Variants in CMIP observed in about 807,000 individuals in gnomAD.
CMIP encodes the protein C-Maf-inducing protein.
CMIP carries 13 observed loss-of-function variants against 97.3 expected under a neutral mutation model. The ratio of observed to expected loss-of-function variants is 0.13; its 90% CI spans 0.09 to 0.21. The LOEUF (loss-of-function observed/expected upper bound fraction) is 0.21, where lower values mean the gene tolerates loss of function less well. Ranked by LOEUF, CMIP falls within the 10% of genes least tolerant of loss-of-function variation. The pLI, the probability that CMIP is intolerant of heterozygous loss-of-function variation, is 1.00. For synonymous variants in CMIP, 538 were observed against 436.3 expected (o/e 1.23, Z -2.91); for missense variants, 847 against 1,024.9 (o/e 0.83, Z 2.37).
At chr16:81,470,306 C>T (rs757485486) in intron 1 of CMIP, among the ~76,000 whole-genome samples, 1 of 151,856 alleles carries the variant, frequency 6.6e-6, no homozygotes, top group Admixed American at 6.6e-5. Context: ...GCGCCCCGTC[C>T]AGGCAGCTTG....
chr16:81,477,287 G>A (rs867936397), intron 1 of CMIP, among the ~76,000 whole-genome samples: 2 of 151,958 alleles, frequency 1.3e-5, no homozygotes, highest in Non-Finnish European at 2.9e-5. Flanking sequence ...CCTGAGTAGC[G>A]GGGATTACAA....
chr16:81,457,545 C>T (rs922112733), intron 1 of CMIP, among the ~76,000 whole-genome samples: 4 of 152,254 alleles, frequency 2.6e-5, no homozygotes, highest in African/African-American at 7.2e-5. Flanking sequence ...TGCTGGCCCA[C>T]TGCTCCCCAC....
intron 1 of CMIP, among the ~76,000 whole-genome samples, chr16:81,553,545 G>A (rs1002405953): frequency 6.6e-6 from 1 of 152,212 alleles, no homozygotes; most frequent in Non-Finnish European, 1.5e-5. Flanking sequence ...TTCGAACAGG[G>A]GAGGCAACTG....
intron 2 of CMIP, among the ~76,000 whole-genome samples, chr16:81,610,893 C>T (rs796321770): frequency 1.2e-4 from 19 of 152,232 alleles, no homozygotes; most frequent in African/African-American, 4.1e-4. Flanking sequence ...TATTAGATCC[C>T]AGAGCCGTGG....
chr16:81,619,772 A>C (rs2150959637), intron 2 of CMIP: 1 of 152,364 alleles, frequency 6.6e-6, no homozygotes, highest in South Asian at 2.1e-4. Flanking sequence ...TAACTTCCAA[A>C]GTCTCAGTTT....
intron 1 of CMIP, among the ~76,000 whole-genome samples, chr16:81,553,446 C>A (rs1283118739): frequency 6.6e-6 from 1 of 152,224 alleles, no homozygotes; most frequent in Non-Finnish European, 1.5e-5. Context: ...TGCCTTCCTC[C>A]TCTCGGGCCA....
In CMIP at chr16:81,498,886, C is replaced by T. The variant is rs1309199366; in HGVS notation, c.300+53345C>T. ...ACACCTCTCCATACATACAGGTTCCCAGCTGTGCGACCACTCACCCACACG... is the reference window on the plus strand; with the variant it reads ...ACACCTCTCCATACATACAGGTTCCTAGCTGTGCGACCACTCACCCACACG... On this transcript the variant is annotated intron_variant, in intron 1 of 20. Transcript: ENST00000537098. Among the ~76,000 whole-genome samples, 5 of 152,198 alleles carry T rather than the reference C, an allele frequency of 3.3e-5. No homozygotes were observed. The East Asian group carries it at 7.7e-4, about 23-fold the overall frequency.
At chr16:81,553,904 C>T (rs1412482846) in intron 1 of CMIP, among the ~76,000 whole-genome samples, 2 of 152,210 alleles carry the variant, frequency 1.3e-5, no homozygotes, top group Admixed American at 1.3e-4. Context: ...TATTACGTGT[C>T]CACATTCTTT....
At chr16:81,600,948 T>G (rs930765902) in intron 1 of CMIP, among the ~76,000 whole-genome samples, 1 of 152,168 alleles carries the variant, frequency 6.6e-6, no homozygotes, top group Non-Finnish European at 1.5e-5. Context: ...CCAGGGTGTG[T>G]GTGCAGGTCC....
At chr16:81,544,219 A>G (rs1420945779) in intron 1 of CMIP, among the ~76,000 whole-genome samples, 1 of 152,238 alleles carries the variant, frequency 6.6e-6, no homozygotes, top group Non-Finnish European at 1.5e-5. Flanking sequence ...GACTCAAGTC[A>G]TGTGCACGCA....
chr16:81,675,863 G>A (rs567136041), intron 9 of CMIP, among the ~76,000 whole-genome samples: 10 of 152,222 alleles, frequency 6.6e-5, no homozygotes, highest in Non-Finnish European at 1.3e-4. Flanking sequence ...CAGGTCTGGG[G>A]CGGGGCCTGA....
rs1332828049 is a variant in CMIP, at chr16:81,621,473, C to G, written c.477+547C>G. ...TCTTGGAGACCCAGGGGCAGATCTT[C>G]TAAGAGGGGTCCCCCAGCCACCCGA... On this transcript the variant is annotated intron_variant, in intron 3 of 20. Transcript: ENST00000537098. The surrounding 1 kb of genome is among the most constrained non-coding windows in gnomAD (Gnocchi z 4.1). 1 of 153,638 alleles carries G rather than the reference C, an allele frequency of 6.5e-6. No homozygotes were observed. 9.5% of individuals were successfully genotyped at this position (153,638 alleles called of 1,614,324 possible).
intron 1 of CMIP, among the ~76,000 whole-genome samples, chr16:81,580,306 C>T (rs771522878): frequency 6.6e-6 from 1 of 152,196 alleles, no homozygotes; most frequent in Non-Finnish European, 1.5e-5. Flanking sequence ...CTGTTTGTGA[C>T]ATGGTGAGCT....
chr16:81,567,501 C>G (rs971730447), intron 1 of CMIP, among the ~76,000 whole-genome samples: 1 of 152,234 alleles, frequency 6.6e-6, no homozygotes, highest in African/African-American at 2.4e-5. Flanking sequence ...TGGGAATTCC[C>G]TTGCTGCACA....
chr16:81,550,006 T>C (rs756958338), intron 1 of CMIP, among the ~76,000 whole-genome samples: 1 of 152,240 alleles, frequency 6.6e-6, no homozygotes, highest in South Asian at 2.1e-4. Flanking sequence ...CGCTCACCCG[T>C]GTGCGTGGGC....
chr16:81,543,943 G>A (rs1022188783), intron 1 of CMIP, among the ~76,000 whole-genome samples: 2 of 152,252 alleles, frequency 1.3e-5, no homozygotes, highest in African/African-American at 4.8e-5. Context: ...TCGGGAAAAG[G>A]TTTATCTTAC....
chr16:81,689,477 T>C (rs1355514600), intron 10 of CMIP, among the ~76,000 whole-genome samples: 7 of 152,268 alleles, frequency 4.6e-5, no homozygotes, highest in African/African-American at 1.7e-4. Context: ...TGTCTGTTCA[T>C]ATCCTTCGCC....
At chr16:81,689,997 C>T (rs557700672) in intron 10 of CMIP, among the ~76,000 whole-genome samples, 1 of 152,292 alleles carries the variant, frequency 6.6e-6, no homozygotes, top group South Asian at 2.1e-4. Flanking sequence ...GGGCCCTGTT[C>T]TGTTCCATTG....
intron 1 of CMIP, among the ~76,000 whole-genome samples, chr16:81,545,102 C>T (rs943307796): frequency 1.3e-4 from 20 of 152,134 alleles, no homozygotes; most frequent in African/African-American, 4.8e-4. Context: ...AGATGCCAGG[C>T]CCACAGCCAG....
Sources: allele counts gnomAD v4.1 joint callset (sites outside exome capture counted in the v4.1 genomes callset), GRCh38; gene constraint gnomAD v4.1.1; non-coding constraint Gnocchi (gnomAD v3.1); transcripts MANE v1.5; gene names NCBI Gene and HGNC (gene_info 2026-07-23, HGNC 2026-07-21).